The following GABRB3 variants were observed in gnomAD, a reference collection of about 807,000 sequenced individuals.
GABRB3 encodes gamma-aminobutyric acid type A receptor subunit beta3.
GABRB3 carries 14 observed loss-of-function variants against 52.1 expected under a neutral mutation model. The observed-to-expected ratio is 0.27, with a 90% CI of 0.18 to 0.42. The LOEUF is 0.42. Among genes scored for constraint, GABRB3 ranks in the 10% least tolerant of loss-of-function variants. The pLI, the probability that GABRB3 is intolerant of heterozygous loss-of-function variation, is 1.00. For missense variants in GABRB3, 307 were observed against 609.1 expected, an observed-to-expected ratio of 0.50 and a Z score of 5.22; for synonymous variants, 260 against 232.3, an observed-to-expected ratio of 1.12 and a Z score of -1.08.
At chr15:26,697,845 A>T (rs1044413391) in intron 3 of GABRB3, among the ~76,000 whole-genome samples, 1 of 152,158 alleles carries the variant, frequency 6.6e-6, no homozygotes, top group African/African-American at 2.4e-5. Context: ...CTGTGCTCTC[A>T]TTTGTTTCTC....
chr15:26,547,606 A>G lies in GABRB3; in HGVS notation c.*187T>C, dbSNP rs1720663932. ...CTCCTGTGTGTATAAACATATACACATACATCCTCATATACACGTGTATTT... is the reference window on the plus strand; with the variant it reads ...CTCCTGTGTGTATAAACATATACACGTACATCCTCATATACACGTGTATTT... On this transcript the variant is annotated 3_prime_UTR_variant, in exon 9 of 9. Coordinates refer to ENST00000311550, the MANE Select transcript of GABRB3 (RefSeq NM_000814.6). The G allele has an allele frequency of 1.6e-6, 1 of 618,878 alleles. No individual in the cohort carries two copies. Among genetic ancestry groups the G allele is most frequent in the South Asian group, 1.9e-5 (1 of 52,002 alleles). The allele number at this position is 618,878 out of a possible 1,614,324, so 38.3% of individuals were successfully genotyped here. A position where few individuals can be genotyped will look rare whatever the true frequency, so the allele number is the denominator to read the frequency against.
At chr15:26,735,212 T>C (rs919389366) in intron 3 of GABRB3, among the ~76,000 whole-genome samples, 5 of 152,174 alleles carry the variant, frequency 3.3e-5, no homozygotes, top group Admixed American at 1.3e-4. Flanking sequence ...CCCAACAGAA[T>C]GGCTACTAAC....
At chr15:26,557,328 T>A (rs1023287750) in intron 8 of GABRB3, among the ~76,000 whole-genome samples, 1 of 152,210 alleles carries the variant, frequency 6.6e-6, no homozygotes, top group African/African-American at 2.4e-5. Context: ...TTGGGCACTA[T>A]GCTCATTACC....
intron 3 of GABRB3, among the ~76,000 whole-genome samples, chr15:26,743,888 C>T (rs949212007): frequency 6.6e-6 from 1 of 152,194 alleles, no homozygotes; most frequent in Non-Finnish European, 1.5e-5. Context: ...GCACTCGTCT[C>T]TAAGAAACTC....
chr15:26,682,492 G>C (rs984514002), intron 3 of GABRB3, among the ~76,000 whole-genome samples: 2 of 152,168 alleles, frequency 1.3e-5, no homozygotes, highest in Non-Finnish European at 2.9e-5. Context: ...AGCCCGGCAC[G>C]GGACAGCCCC....
chr15:26,683,726 C>T (rs1198720418), intron 3 of GABRB3, among the ~76,000 whole-genome samples: 6 of 151,808 alleles, frequency 4.0e-5, no homozygotes, highest in Admixed American at 6.6e-5. Flanking sequence ...GGGGCAGGGT[C>T]GGGGGGAACA....
At position 26,546,193 on chromosome 15, in the gene GABRB3, AT is replaced by A. The variant is rs1889233456; in HGVS notation, c.*1599del. The A allele has an allele frequency of 6.6e-6, 1 of 152,328 alleles. No homozygotes were observed. Among genetic ancestry groups the A allele is most frequent in the Non-Finnish European group, 1.5e-5 (1 of 67,966 alleles). The allele number at this position is 152,328 out of a possible 1,614,324, so 9.4% of individuals were successfully genotyped here. A position where few individuals can be genotyped will look rare whatever the true frequency, so the allele number is the denominator to read the frequency against. On this transcript the variant is annotated 3_prime_UTR_variant, in exon 9 of 9. Coordinates refer to ENST00000311550, the MANE Select transcript of GABRB3 (RefSeq NM_000814.6). Reference sequence around the variant, plus strand: ...GTTCTTCCTGCAAATTTTGCTTTTTATTTTTTTCTCCAAATGCTCAACTTCA... The same window carrying A: ...GTTCTTCCTGCAAATTTTGCTTTTTATTTTTTCTCCAAATGCTCAACTTCA...
chr15:26,772,524 G>C, intron 2 of GABRB3, 55 bp from the exon 3 acceptor site: 1 of 1,570,690 alleles, frequency 6.4e-7, no homozygotes, highest in Non-Finnish European at 8.7e-7. Flanking sequence ...GGGCGCGGGC[G>C]GCTCTGAGGA....
chr15:26,754,331 CAG>C (rs2140175394), intron 3 of GABRB3, among the ~76,000 whole-genome samples: 1 of 152,204 alleles, frequency 6.6e-6, no homozygotes, highest in South Asian at 2.1e-4. Context: ...AAGAGAGAGA[CAG>C]AGACAGAGAC....
chr15:26,608,744 A>AG, intron 4 of GABRB3, among the ~76,000 whole-genome samples: 1 of 152,206 alleles, frequency 6.6e-6, no homozygotes, highest in African/African-American at 2.4e-5. Context: ...TTGAAACTAC[A>AG]ATGAGATAAC....
At chr15:26,663,903 A>AT (rs1175178743) in intron 3 of GABRB3, among the ~76,000 whole-genome samples, 1 of 152,138 alleles carries the variant, frequency 6.6e-6, no homozygotes, top group Non-Finnish European at 1.5e-5. Flanking sequence ...ATTTTTAGTG[A>AT]TTAAGTTTTA....
At chr15:26,696,883 A>C (rs966005783) in intron 3 of GABRB3, among the ~76,000 whole-genome samples, 1 of 152,206 alleles carries the variant, frequency 6.6e-6, no homozygotes, top group African/African-American at 2.4e-5. Flanking sequence ...TGGCACTGCA[A>C]CACTGGGCTA....
At chr15:26,598,935 C>T (rs1261583702) in intron 4 of GABRB3, among the ~76,000 whole-genome samples, 1 of 152,176 alleles carries the variant, frequency 6.6e-6, no homozygotes, top group Non-Finnish European at 1.5e-5. Context: ...TAACCTAGCT[C>T]GAGTTTCTAG....
intron 8 of GABRB3, among the ~76,000 whole-genome samples, chr15:26,554,414 A>G (rs914598092): frequency 5.3e-5 from 8 of 151,582 alleles, no homozygotes; most frequent in African/African-American, 1.9e-4. Flanking sequence ...CAGAATTAAC[A>G]AATTCGTGGA....
At chr15:26,773,242 G>C (rs1274853131), upstream of GABRB3, among the ~76,000 whole-genome samples, 1 of 149,882 alleles carries the variant, frequency 6.7e-6, no homozygotes, top group Non-Finnish European at 1.5e-5. Flanking sequence ...CGCTCGCCTC[G>C]GCCCGAGGCC....
At chr15:26,769,679 CCT>C (rs557330013) in intron 3 of GABRB3, among the ~76,000 whole-genome samples, 180 of 152,252 alleles carry the variant, frequency 1.2e-3, no homozygotes, top group African/African-American at 3.8e-3. Flanking sequence ...TATTCATACC[CCT>C]CACACAATTT....
intron 8 of GABRB3, among the ~76,000 whole-genome samples, chr15:26,557,236 G>C (rs1214410239): frequency 6.6e-6 from 1 of 152,002 alleles, no homozygotes; most frequent in Non-Finnish European, 1.5e-5. Context: ...AGTATGAATG[G>C]ACGAAAAAAA....
intron 3 of GABRB3, among the ~76,000 whole-genome samples, chr15:26,731,756 A>T (rs868078359): frequency 5.9e-5 from 9 of 152,266 alleles, no homozygotes; most frequent in African/African-American, 2.2e-4. Flanking sequence ...GCAGACATGC[A>T]CAGCAGAGTT....
At chr15:26,659,501 G>A (rs1185893899) in intron 3 of GABRB3, among the ~76,000 whole-genome samples, 2 of 152,130 alleles carry the variant, frequency 1.3e-5, no homozygotes, top group East Asian at 3.9e-4. Flanking sequence ...CAGCCTAGGC[G>A]ACAGAGAGAG....
Sources: gnomAD v4.1 joint callset for allele counts (sites outside exome capture counted in the v4.1 genomes callset) on GRCh38, gnomAD v4.1.1 for gene constraint, MANE v1.5 for transcripts, NCBI Gene and HGNC (gene_info 2026-07-23, HGNC 2026-07-21) for gene names.